The following KHDRBS2 variants were observed in gnomAD, a reference collection of about 807,000 sequenced individuals.
KHDRBS2 encodes KH domain-containing, RNA-binding, signal transduction-associated protein 2.
A neutral mutation model predicts 44.3 loss-of-function variants in KHDRBS2; 26 were observed. That is an observed-to-expected ratio of 0.59 (90% CI 0.43 to 0.81). The LOEUF is 0.81. KHDRBS2 is among the 40% of genes least tolerant of loss of function. The pLI, the probability that KHDRBS2 is intolerant of heterozygous loss-of-function variation, is 0.00. For missense variants in KHDRBS2, 476 were observed against 433.1 expected (o/e 1.10, Z -0.88); for synonymous variants, 194 against 151.1 (o/e 1.28, Z -2.08).
At chr6:62,157,308 A>T (rs1816670416) in intron 2 of KHDRBS2, among the ~76,000 whole-genome samples, 1 of 151,930 alleles carries the variant, frequency 6.6e-6, no homozygotes, top group African/African-American at 2.4e-5. Context: ...GCCTGAGGAC[A>T]GAACGAGACT....
intron 1 of KHDRBS2, among the ~76,000 whole-genome samples, chr6:62,258,761 A>G (rs551586048): frequency 6.6e-6 from 1 of 152,148 alleles, no homozygotes; most frequent in East Asian, 1.9e-4. Context: ...TCAGAAATCC[A>G]AAACTCTTCT....
chr6:61,545,363 T>A, the KHDRBS2 span, among the ~76,000 whole-genome samples: 1 of 152,022 alleles, frequency 6.6e-6, no homozygotes, highest in Non-Finnish European at 1.5e-5. Flanking sequence ...ATAGATTTAG[T>A]CTTCTTAATT....
intron 6 of KHDRBS2, among the ~76,000 whole-genome samples, chr6:61,771,819 G>T (rs1780959861): frequency 6.6e-6 from 1 of 152,270 alleles, no homozygotes; most frequent in South Asian, 2.1e-4. Flanking sequence ...ATTAGACTCA[G>T]ATCTGCACCG....
intron 1 of KHDRBS2, among the ~76,000 whole-genome samples, chr6:62,216,660 C>T (rs1245144881): frequency 6.7e-6 from 1 of 150,092 alleles, no homozygotes; most frequent in Non-Finnish European, 1.5e-5. Context: ...GTTTGATCCA[C>T]CTGCTTCAAA....
chr6:62,046,514 G>A (rs1343834807), intron 3 of KHDRBS2, among the ~76,000 whole-genome samples: 1 of 151,854 alleles, frequency 6.6e-6, no homozygotes, highest in African/African-American at 2.4e-5. Context: ...AAGAATGTGT[G>A]AGACCGTAAA....
chr6:62,226,815 T>C (rs1455975336), intron 1 of KHDRBS2, among the ~76,000 whole-genome samples: 1 of 152,196 alleles, frequency 6.6e-6, no homozygotes. Context: ...TTCCAGTTTG[T>C]CAAAGATCAG....
chr6:61,650,760 TC>T, the KHDRBS2 span, among the ~76,000 whole-genome samples: 1 of 152,198 alleles, frequency 6.6e-6, no homozygotes, highest in Non-Finnish European at 1.5e-5. Flanking sequence ...TCAGTTGTTC[TC>T]CAAATTTTGT....
chr6:62,016,993 C>A (rs1781328848), intron 3 of KHDRBS2, among the ~76,000 whole-genome samples: 1 of 151,848 alleles, frequency 6.6e-6, no homozygotes, highest in Non-Finnish European at 1.5e-5. Context: ...AAAGAAATGC[C>A]CTGTATTGGT....
At chr6:61,909,307 G>T (rs1241862859) in intron 4 of KHDRBS2, among the ~76,000 whole-genome samples, 1 of 152,044 alleles carries the variant, frequency 6.6e-6, no homozygotes, top group African/African-American at 2.4e-5. Context: ...GAGCTCAAGT[G>T]ATCCGCCCGT....
At chr6:61,789,295 A>G (rs1308433337) in intron 6 of KHDRBS2, among the ~76,000 whole-genome samples, 1 of 151,568 alleles carries the variant, frequency 6.6e-6, no homozygotes, top group African/African-American at 2.4e-5. Context: ...TATTTAAAAT[A>G]GAAAGTAAAG....
chr6:62,129,727 CACTTTT>C (rs1444263691), intron 2 of KHDRBS2, among the ~76,000 whole-genome samples: 1 of 151,370 alleles, frequency 6.6e-6, no homozygotes, highest in African/African-American at 2.4e-5. Flanking sequence ...ATTTTTTTTT[CACTTTT>C]ACTAGCCATA....
the KHDRBS2 span, among the ~76,000 whole-genome samples, chr6:61,594,959 T>A: frequency 6.6e-6 from 1 of 152,012 alleles, no homozygotes. Flanking sequence ...AAAGCAAAAA[T>A]CTTCACCAAG....
intron 6 of KHDRBS2, among the ~76,000 whole-genome samples, chr6:61,886,577 G>A (rs899776650): frequency 3.3e-5 from 5 of 151,984 alleles, no homozygotes; most frequent in African/African-American, 4.8e-5. Flanking sequence ...GTTTATATAT[G>A]TGTTCGTGTG....
chr6:61,795,019 A>AT (rs1785113063), intron 6 of KHDRBS2, among the ~76,000 whole-genome samples: 1 of 151,736 alleles, frequency 6.6e-6, no homozygotes, highest in African/African-American at 2.4e-5. Context: ...GATACCTGTA[A>AT]TCCTAGCTAC....
the KHDRBS2 span, among the ~76,000 whole-genome samples, chr6:61,642,952 T>C: frequency 6.6e-6 from 1 of 152,202 alleles, no homozygotes; most frequent in African/African-American, 2.4e-5. Context: ...ACTTAAAATG[T>C]GGTTTTTACA....
At chr6:61,725,537 C>T (rs571872095) in intron 7 of KHDRBS2, among the ~76,000 whole-genome samples, 1 of 151,438 alleles carries the variant, frequency 6.6e-6, no homozygotes, top group African/African-American at 2.4e-5. Context: ...AAAAATAGAT[C>T]AACTGTTATC....
chr6:62,129,688 T>A lies in KHDRBS2; in HGVS notation c.219+47497A>T, dbSNP rs566765876. The stretch of plus-strand genomic sequence containing the variant: ...CACTACTCAAGAGACTATTTAAATT[T>A]AAATTAATTGAATTAAAATAGCATT... On this transcript the variant is annotated intron_variant, in intron 2 of 8. Coordinates refer to ENST00000281156, the MANE Select transcript of KHDRBS2 (RefSeq NM_152688.4). 5.8e-4 allele frequency among the ~76,000 whole-genome samples: 88 copies of A among 152,278 alleles called. 2 individuals are homozygous for A. The highest frequency in any genetic ancestry group is 2.0e-3 in the African/African-American group (84 of 41,562).
rs146099761 is a variant in KHDRBS2 at position 61,721,255 on chromosome 6, G to A, written c.893+11427C>T. On this transcript the variant is annotated intron_variant, in intron 7 of 8. Transcript: ENST00000281156. The stretch of plus-strand genomic sequence containing the variant: ...CCTTTTGGCTCCGGATTGACTGGGC[G>A]ACGCGGGCTCTTTTTTGGTTCCATA... 3.5e-3 allele frequency among the ~76,000 whole-genome samples: 527 copies of A among 152,116 alleles called. 4 individuals carry two copies. The highest frequency in any genetic ancestry group is 7.5e-3 in the South Asian group (36 of 4,810).
At chr6:61,778,668 C>T (rs1212505770) in intron 6 of KHDRBS2, among the ~76,000 whole-genome samples, 1 of 152,210 alleles carries the variant, frequency 6.6e-6, no homozygotes, top group South Asian at 2.1e-4. Flanking sequence ...TGCCACCGTG[C>T]CGCAAGTTGC....
Sources: allele counts gnomAD v4.1 joint callset (sites outside exome capture counted in the v4.1 genomes callset), GRCh38; gene constraint gnomAD v4.1.1; transcripts MANE v1.5; gene names NCBI Gene and HGNC (gene_info 2026-07-23, HGNC 2026-07-21).